ANKRD17: variants seen among roughly 807,000 people sequenced by gnomAD.
The protein encoded by ANKRD17 is ankyrin repeat domain 17, also known as ankyrin repeat domain-containing protein 17.
ANKRD17 carries 19 observed loss-of-function variants against 229.7 expected under a neutral mutation model. The observed-to-expected ratio is 0.08, with a 90% confidence interval of 0.06 to 0.12. The LOEUF is 0.12. Among genes scored for constraint, ANKRD17 ranks in the 10% least tolerant of loss-of-function variants. The probability of loss-of-function intolerance (pLI) is 1.00; values close to 1 mark genes in which losing one functional copy is unlikely to be tolerated. For missense variants in ANKRD17, 2,176 were observed against 3,176.8 expected (o/e 0.68, Z 7.57); for synonymous variants, 1,112 against 1,146.1 (o/e 0.97, Z 0.60).
intron 6 of ANKRD17, 87 bp downstream of exon 6, chr4:73,153,793 A>AT: frequency 1.0e-6 from 1 of 987,376 alleles, no homozygotes; most frequent in Non-Finnish European, 1.4e-6. Context: ...TCATTGTTTT[A>AT]TTTTTTAACT....
rs117704056 is a variant in ANKRD17, at chr4:73,196,384, G to A, written c.394-18851C>T. On this transcript the variant is annotated intron_variant, in intron 1 of 33. Coordinates refer to ENST00000358602, the MANE Select transcript of ANKRD17 (RefSeq NM_032217.5). ...TGCTTTGGTTCAATTTGCTCTTCTA[G>A]TTTCTTAAGTTGGAAATTATTATAT... Among the ~76,000 whole-genome samples, 819 of 152,110 alleles carry A rather than the reference G, an allele frequency of 5.4e-3. 16 individuals carry two copies. The highest frequency in any genetic ancestry group is 0.041 in the Admixed American group (631 of 15,280).
Position 73,258,338 on chromosome 4 carries a change from T to TGCC in ANKRD17, c.328_330dup (p.Gly110dup), listed in dbSNP as rs775320916. ...TCTTCCTCGCTGTTGTTACTGCTGG[T>TGCC]GCCGCCGCCGCCACCTCCGCCTCCA... is the stretch of plus-strand genomic sequence containing the variant. On this transcript the variant is annotated inframe_insertion, in exon 1 of 34. Transcript: ENST00000358602. The TGCC allele has an allele frequency of 1.7e-5, 27 of 1,613,064 alleles. 2 individuals carry two copies. In the Middle Eastern group the frequency reaches 8.2e-4, roughly 49 times the overall value.
chr4:73,235,781 T>C (rs1358185016), intron 1 of ANKRD17, among the ~76,000 whole-genome samples: 1 of 152,158 alleles, frequency 6.6e-6, no homozygotes, highest in African/African-American at 2.4e-5. Context: ...ATCTCTTTAC[T>C]AGTTTTCTTC....
chr4:73,222,998 T>A (rs902677455), intron 1 of ANKRD17: 4 of 1,536,030 alleles, frequency 2.6e-6, no homozygotes, highest in Middle Eastern at 1.7e-4. Context: ...CTAGAACATA[T>A]GCTTCCATTT....
chr4:73,119,594 T>G (rs1726439081), intron 21 of ANKRD17, among the ~76,000 whole-genome samples: 1 of 152,230 alleles, frequency 6.6e-6, no homozygotes, highest in Non-Finnish European at 1.5e-5. Context: ...CCATGGTTAG[T>G]AAGAGTTAAC....
chr4:73,139,722 G>T lies in ANKRD17; in HGVS notation c.2894C>A (p.Ala965Glu). The T allele has an allele frequency of 6.2e-7, 1 of 1,614,154 alleles. No individual in the cohort carries two copies. Among genetic ancestry groups the T allele is most frequent in the South Asian group, 1.1e-5 (1 of 91,082 alleles). Residue 965 changes from alanine (A) to glutamate (E), a missense_variant, in exon 15 of 34, where the codon GCG becomes GAG. Ala to Glu is a moderately radical substitution (Grantham distance 107). Transcript: ENST00000358602. ...PLAMPQALPL[A>E]AGPLPPGSIA... ...GGACCCTGGAGGCAAGGGACCTGCCGCCAGAGGCAAAGCTTGAGGCATCGC... is the reference window on the plus strand; with the variant it reads ...GGACCCTGGAGGCAAGGGACCTGCCTCCAGAGGCAAAGCTTGAGGCATCGC...
intron 31 of ANKRD17, 98 bp downstream of exon 31, chr4:73,078,544 G>T: frequency 1.8e-6 from 2 of 1,108,910 alleles, no homozygotes; most frequent in African/African-American, 1.7e-5. Context: ...CTCAAAAAAA[G>T]AAAAAAAAAA....
At position 73,134,908 on chromosome 4, in the gene ANKRD17, C is replaced by T. The variant is rs184238091; in HGVS notation, c.3234+209G>A. Reference sequence around the variant, plus strand: ...GTTAAAAAAAAGGTTACCTGATGACCTTGGAAACCAGACCATCACATAATT... The same window carrying T: ...GTTAAAAAAAAGGTTACCTGATGACTTTGGAAACCAGACCATCACATAATT... On this transcript the variant is annotated intron_variant, in intron 16 of 33. Coordinates refer to ENST00000358602, the MANE Select transcript of ANKRD17 (RefSeq NM_032217.5). Among the ~76,000 whole-genome samples, 3 of 152,064 alleles carry T rather than the reference C, an allele frequency of 2.0e-5. No individual in the cohort carries two copies. In the East Asian group the frequency reaches 5.8e-4, roughly 29 times the overall value.
At chr4:73,117,521 A>C (rs1374259615) in intron 22 of ANKRD17, among the ~76,000 whole-genome samples, 2 of 152,246 alleles carry the variant, frequency 1.3e-5, no homozygotes, top group Non-Finnish European at 2.9e-5. Flanking sequence ...GCCAGTGAGA[A>C]GGAATAAGTT....
rs564826221 is a variant in ANKRD17, at chr4:73,147,482, A to T, written c.1568-50T>A. 1,396 of 1,333,958 alleles carry T rather than the reference A, an allele frequency of 1.0e-3. 26 individuals carry two copies. In the South Asian group the frequency reaches 0.027, roughly 26 times the overall value. The allele number at this position is 1,333,958 out of a possible 1,614,324, so 82.6% of individuals were successfully genotyped here. ...AAAGAAAGTCATTAACTTATTCCAG[A>T]GATATGAAAAACATGATTGTTTCTT... On this transcript the variant is annotated intron_variant, in intron 8 of 33. Coordinates refer to ENST00000358602, the MANE Select transcript of ANKRD17 (RefSeq NM_032217.5).
chr4:73,073,581 C>G lies in ANKRD17; in HGVS notation c.*2650G>C, dbSNP rs1720843286. On this transcript the variant is annotated 3_prime_UTR_variant, in exon 34 of 34. Coordinates refer to ENST00000358602, the MANE Select transcript of ANKRD17 (RefSeq NM_032217.5). ...GAACAAGACAGGATTAGTTAATAAG[C>G]TATTTACCTTTTCCAAAGGAGAAAA... 1 of 151,966 alleles carries G rather than the reference C, an allele frequency of 6.6e-6. No individual in the cohort carries two copies. The highest frequency in any genetic ancestry group is 1.5e-5 in the Non-Finnish European group (1 of 67,882). 9.4% of individuals were successfully genotyped at this position (151,966 alleles called of 1,614,324 possible). A position where few individuals can be genotyped will look rare whatever the true frequency, so the allele number is the denominator to read the frequency against.
intron 24 of ANKRD17, among the ~76,000 whole-genome samples, chr4:73,110,945 G>A (rs1487293205): frequency 6.6e-6 from 1 of 152,104 alleles, no homozygotes; most frequent in Non-Finnish European, 1.5e-5. Flanking sequence ...TTAAAACTAA[G>A]GCTCTTGAAA....
At chr4:73,138,705 C>G (rs781142672) in intron 15 of ANKRD17, among the ~76,000 whole-genome samples, 4 of 151,886 alleles carry the variant, frequency 2.6e-5, no homozygotes, top group Non-Finnish European at 5.9e-5. Context: ...TTTAATGAAG[C>G]AAATTATCCT....
chr4:73,120,780 A>C, intron 20 of ANKRD17, 101 bp downstream of exon 20: 1 of 960,634 alleles, frequency 1.0e-6, no homozygotes, highest in Non-Finnish European at 1.5e-6. Context: ...TAGGAGATAA[A>C]TGTTACTAGA....
In ANKRD17 at chr4:73,258,604, GC is replaced by G; in HGVS notation, c.64del (p.Ala22ArgfsTer41). ...GGGGGGGCCCGCCACAGCCGCCACCGCCGGGGGGCTCCCTTCTCCTTCTGCA... is the reference window on the plus strand; with the variant it reads ...GGGGGGGCCCGCCACAGCCGCCACCGCGGGGGGCTCCCTTCTCCTTCTGCA... ...TAAEGEGSPP[A>X]VAAVAGPPAA... On this transcript the variant is annotated frameshift_variant, in exon 1 of 34. Coordinates refer to ENST00000358602, the MANE Select transcript of ANKRD17 (RefSeq NM_032217.5). LOFTEE classifies it high-confidence loss of function. 6.8e-7 allele frequency: 1 copy of G among 1,476,758 alleles called. No homozygotes were observed. Among genetic ancestry groups the G allele is most frequent in the African/African-American group, 1.5e-5 (1 of 67,552 alleles). 91.5% of individuals were successfully genotyped at this position (1,476,758 alleles called of 1,614,324 possible).
intron 3 of ANKRD17, among the ~76,000 whole-genome samples, chr4:73,160,210 C>CTTTTT (rs144486458): frequency 7.3e-4 from 45 of 61,478 alleles, no homozygotes; most frequent in African/African-American, 1.5e-3. Flanking sequence ...TTTCTTATCA[C>CTTTTT]TTTTTTTTTT....
chr4:73,229,617 A>C (rs1019335888), intron 1 of ANKRD17, among the ~76,000 whole-genome samples: 3 of 151,756 alleles, frequency 2.0e-5, no homozygotes, highest in Admixed American at 2.0e-4. Flanking sequence ...TAAAAAAAAA[A>C]AACCCAACCA....
chr4:73,096,173 A>C (rs967067140), intron 27 of ANKRD17, among the ~76,000 whole-genome samples: 2 of 152,224 alleles, frequency 1.3e-5, no homozygotes, highest in African/African-American at 4.8e-5. Flanking sequence ...CTATATATAC[A>C]ACTAAGTTAC....
chr4:73,138,945 T>A (rs1729260473), intron 15 of ANKRD17, among the ~76,000 whole-genome samples: 1 of 152,032 alleles, frequency 6.6e-6, no homozygotes. Context: ...CATGATACAG[T>A]TAGAAAGAGA....
Sources: allele counts gnomAD v4.1 joint callset (sites outside exome capture counted in the v4.1 genomes callset), GRCh38; gene constraint gnomAD v4.1.1; transcripts MANE v1.5; gene names NCBI Gene and HGNC (gene_info 2026-07-23, HGNC 2026-07-21).